CCSER1: variants seen among roughly 807,000 people sequenced by gnomAD.
CCSER1 encodes coiled-coil serine rich protein 1, also known as serine-rich coiled-coil domain-containing protein 1.
Under a neutral mutation model 82.0 loss-of-function variants are expected in CCSER1, and 41 were observed. The observed-to-expected ratio is 0.50, with a 90% CI of 0.39 to 0.65. CCSER1 has a LOEUF of 0.65. Ranked by LOEUF, CCSER1 falls within the 30% of genes least tolerant of loss-of-function variation. CCSER1 has a pLI of 0.00. For synonymous variants in CCSER1, 414 were observed against 383.9 expected, an observed-to-expected ratio of 1.08 and a Z score of -0.92; for missense variants, 1,119 against 1,064.2, an observed-to-expected ratio of 1.05 and a Z score of -0.72.
intron 4 of CCSER1, among the ~76,000 whole-genome samples, chr4:90,448,793 T>G (rs1761049436): frequency 6.6e-6 from 1 of 152,042 alleles, no homozygotes. Context: ...TCTTCTCTCC[T>G]TCTCTCTTTT....
At chr4:90,610,516 G>A (rs529295447) in intron 5 of CCSER1, among the ~76,000 whole-genome samples, 1 of 152,082 alleles carries the variant, frequency 6.6e-6, no homozygotes, top group East Asian at 1.9e-4. Context: ...AAATATTTTA[G>A]CTCTTTTTGC....
At chr4:91,149,690 T>C (rs997384040) in intron 10 of CCSER1, among the ~76,000 whole-genome samples, 19 of 152,364 alleles carry the variant, frequency 1.2e-4, no homozygotes, top group Middle Eastern at 3.4e-3. Flanking sequence ...TTCAGCTTTC[T>C]GCATATGACT....
chr4:91,346,419 A>G (rs1449391839), intron 10 of CCSER1, among the ~76,000 whole-genome samples: 1 of 152,210 alleles, frequency 6.6e-6, no homozygotes, highest in Non-Finnish European at 1.5e-5. Flanking sequence ...AATTATGGCA[A>G]TTGTGATTAA....
At chr4:91,434,170 G>A (rs1338853568) in intron 10 of CCSER1, among the ~76,000 whole-genome samples, 1 of 151,282 alleles carries the variant, frequency 6.6e-6, no homozygotes, top group Non-Finnish European at 1.5e-5. Flanking sequence ...GTAATGGTTT[G>A]TTTTAACTGC....
intron 8 of CCSER1, among the ~76,000 whole-genome samples, chr4:90,893,775 GCGTGTGTGTGTGTGT>G (rs1028991230): frequency 2.3e-4 from 31 of 134,254 alleles, no homozygotes; most frequent in African/African-American, 7.7e-4. Context: ...GTGTGTGTGT[GCGTGTGTGTGTGTGT>G]GTGGGGGGTG....
intron 1 of CCSER1, among the ~76,000 whole-genome samples, chr4:90,139,211 T>G (rs1342494233): frequency 2.0e-5 from 3 of 152,180 alleles, no homozygotes; most frequent in Admixed American, 6.5e-5. Flanking sequence ...CTTATTTACA[T>G]AAAAGATATC....
At position 91,061,230 on chromosome 4, in the gene CCSER1, T is replaced by C. The variant is rs114854784; in HGVS notation, c.2173-24720T>C. On this transcript the variant is annotated intron_variant, in intron 9 of 10. Transcript: ENST00000509176. ...TAAATGAAAAAAATATATTGTGATGTTAAATGACTTATGTAATACTGTATC... is the reference window on the plus strand; with the variant it reads ...TAAATGAAAAAAATATATTGTGATGCTAAATGACTTATGTAATACTGTATC... 4.6e-3 allele frequency among the ~76,000 whole-genome samples: 701 copies of C among 152,122 alleles called. 6 individuals are homozygous for C. The highest frequency in any genetic ancestry group is 0.016 in the African/African-American group (649 of 41,546).
Position 90,468,237 on chromosome 4 carries a change from G to T in CCSER1, c.1607G>T (p.Cys536Phe), listed in dbSNP as rs781407164. Residue 536 changes from cysteine (C) to phenylalanine (F), a missense_variant, in exon 5 of 11, where the codon TGC becomes TTC. Transcript: ENST00000509176. ...LEEQSLHPSV[C>F]REDSYHSVVS... The stretch of plus-strand genomic sequence containing the variant: ...ATTCCTCGGTTTTTTTGAACAGTTT[G>T]CCGGGAGGACTCATATCACTCTGTC... 6 of 1,592,292 alleles carry T rather than the reference G, an allele frequency of 3.8e-6. No individual in the cohort carries two copies. The East Asian group carries it at 6.8e-5, about 18-fold the overall frequency.
chr4:90,154,334 T>G (rs933634030), intron 1 of CCSER1, among the ~76,000 whole-genome samples: 5 of 152,244 alleles, frequency 3.3e-5, no homozygotes, highest in Non-Finnish European at 7.3e-5. Flanking sequence ...CTTTGTTCTT[T>G]TGGCTTAGGA....
At chr4:91,293,234 A>G (rs1003244266) in intron 10 of CCSER1, among the ~76,000 whole-genome samples, 1 of 151,876 alleles carries the variant, frequency 6.6e-6, no homozygotes, top group Admixed American at 6.6e-5. Flanking sequence ...GTACCGGCCA[A>G]CTGTCATTTA....
chr4:90,430,307 A>G (rs1227437201), intron 4 of CCSER1, among the ~76,000 whole-genome samples: 2 of 151,900 alleles, frequency 1.3e-5, no homozygotes, highest in Non-Finnish European at 2.9e-5. Flanking sequence ...CTTTCCAACT[A>G]CACTAAAAAG....
intron 9 of CCSER1, among the ~76,000 whole-genome samples, chr4:90,944,035 A>G (rs1351916471): frequency 6.6e-6 from 1 of 151,848 alleles, no homozygotes; most frequent in East Asian, 2.0e-4. Context: ...GGAGTTTGCA[A>G]CCAGCCTGGG....
At chr4:91,266,387 G>A (rs1007771895) in intron 10 of CCSER1, among the ~76,000 whole-genome samples, 7 of 151,974 alleles carry the variant, frequency 4.6e-5, no homozygotes. Flanking sequence ...GAGTAGCTGG[G>A]ACTACAGGTG....
intron 6 of CCSER1, among the ~76,000 whole-genome samples, chr4:90,632,127 G>A (rs1289806424): frequency 1.3e-5 from 2 of 152,092 alleles, no homozygotes; most frequent in South Asian, 2.1e-4. Context: ...AGATCTACTT[G>A]TAATATTTTA....
intron 9 of CCSER1, among the ~76,000 whole-genome samples, chr4:91,076,567 T>C (rs1722017427): frequency 6.6e-6 from 1 of 152,190 alleles, no homozygotes; most frequent in Admixed American, 6.5e-5. Flanking sequence ...TTATGCTTAC[T>C]AGATCTGGAA....
intron 10 of CCSER1, among the ~76,000 whole-genome samples, chr4:91,410,790 T>A (rs1012368045): frequency 6.6e-6 from 1 of 152,148 alleles, no homozygotes; most frequent in African/African-American, 2.4e-5. Context: ...ATTATTTATT[T>A]TAATACAGCT....
intron 1 of CCSER1, among the ~76,000 whole-genome samples, chr4:90,185,116 G>A (rs945488732): frequency 6.6e-6 from 1 of 152,000 alleles, no homozygotes; most frequent in Non-Finnish European, 1.5e-5. Context: ...GTGAAGGAAC[G>A]ACCTGAAGAG....
intron 3 of CCSER1, among the ~76,000 whole-genome samples, chr4:90,396,325 A>G (rs1285876341): frequency 6.6e-6 from 1 of 152,146 alleles, no homozygotes; most frequent in Non-Finnish European, 1.5e-5. Flanking sequence ...CCTGATTCCT[A>G]CATGTGACCA....
chr4:91,020,304 C>T (rs1739817602), intron 9 of CCSER1, among the ~76,000 whole-genome samples: 1 of 152,136 alleles, frequency 6.6e-6, no homozygotes, highest in Non-Finnish European at 1.5e-5. Context: ...TGATATGTTG[C>T]CCTTTGGTAA....
Sources: allele counts gnomAD v4.1 joint callset (sites outside exome capture counted in the v4.1 genomes callset), GRCh38; gene constraint gnomAD v4.1.1; transcripts MANE v1.5; gene names NCBI Gene and HGNC (gene_info 2026-07-23, HGNC 2026-07-21).